STIM1: variants seen among roughly 807,000 people sequenced by gnomAD.
The protein encoded by STIM1 is stromal interaction molecule 1.
A neutral mutation model predicts 74.7 loss-of-function variants in STIM1; 25 were observed. That is an observed-to-expected ratio of 0.33 (90% CI 0.24 to 0.47). The LOEUF (loss-of-function observed/expected upper bound fraction) is 0.47. Ranked by LOEUF, STIM1 falls within the 20% of genes least tolerant of loss-of-function variation. The pLI is 1.00. For synonymous variants in STIM1, 328 were observed against 348.8 expected, an observed-to-expected ratio of 0.94 and a Z score of 0.66; for missense variants, 728 against 920.8, an observed-to-expected ratio of 0.79 and a Z score of 2.71.
chr11:4,035,766 T>G (rs1302882800), intron 3 of STIM1, among the ~76,000 whole-genome samples: 1 of 151,984 alleles, frequency 6.6e-6, no homozygotes, highest in Non-Finnish European at 1.5e-5. Context: ...TGGTCTATCT[T>G]GTTAAATATC....
intron 2 of STIM1, chr11:3,989,255 C>T: frequency 1.1e-6 from 1 of 871,830 alleles, no homozygotes; most frequent in South Asian, 1.3e-5. Context: ...TCTTTAGTTT[C>T]TTGGTTAGCC....
At chr11:4,044,156 T>C (rs2094172038) in intron 3 of STIM1, among the ~76,000 whole-genome samples, 1 of 152,206 alleles carries the variant, frequency 6.6e-6, no homozygotes, top group Non-Finnish European at 1.5e-5. Flanking sequence ...GTGTAGTCTT[T>C]GATCTGGCTA....
intron 2 of STIM1, among the ~76,000 whole-genome samples, chr11:3,993,917 A>T (rs1590629983): frequency 6.6e-6 from 1 of 152,106 alleles, no homozygotes; most frequent in East Asian, 1.9e-4. Context: ...AGGGAAAGGG[A>T]TCTGTTTTGT....
At chr11:3,882,130 G>A (rs1309625242) in intron 1 of STIM1, among the ~76,000 whole-genome samples, 9 of 108,856 alleles carry the variant, frequency 8.3e-5, no homozygotes, top group African/African-American at 2.6e-4. Flanking sequence ...ACAGAGTTTC[G>A]CTCTTGTTGC....
At chr11:4,074,235 A>G (rs755686454) in intron 6 of STIM1, among the ~76,000 whole-genome samples, 3 of 152,174 alleles carry the variant, frequency 2.0e-5, no homozygotes, top group Non-Finnish European at 2.9e-5. Flanking sequence ...TTAGTATGAG[A>G]TAGTTTCGAG....
intron 1 of STIM1, among the ~76,000 whole-genome samples, chr11:3,860,726 TGG>T (rs1328772423): frequency 6.6e-6 from 1 of 152,132 alleles, no homozygotes; most frequent in Admixed American, 6.5e-5. Flanking sequence ...GGTTTCATGG[TGG>T]GTTATTAGTA....
At chr11:3,901,922 G>T (rs925353322) in intron 1 of STIM1, among the ~76,000 whole-genome samples, 1 of 152,042 alleles carries the variant, frequency 6.6e-6, no homozygotes, top group Non-Finnish European at 1.5e-5. Flanking sequence ...CACGTGCCAC[G>T]ATGCCCAGCT....
rs1554963559 is a variant in STIM1, at chr11:3,992,081, G to GTT, written c.270+24405_270+24406dup. Among the ~76,000 whole-genome samples the GTT allele has an allele frequency of 6.8e-3, 626 of 91,682 alleles. 60 individuals carry two copies. The highest frequency in any genetic ancestry group is 0.027 in the African/African-American group (578 of 21,044). The allele number at this position is 91,682 out of a possible 152,430, so 60.1% of individuals were successfully genotyped here. On this transcript the variant is annotated intron_variant, in intron 2 of 12. Coordinates refer to ENST00000526596, the MANE Select transcript of STIM1 (RefSeq NM_001382567.1). ...TTTCTCTGCAGCCTTGCCAACATCT[G>GTT]TTTTTTTGTTTTTTTTTTTTTTTTT...
intron 6 of STIM1, among the ~76,000 whole-genome samples, chr11:4,071,163 G>A (rs1386362803): frequency 6.6e-6 from 1 of 152,134 alleles, no homozygotes; most frequent in Non-Finnish European, 1.5e-5. Flanking sequence ...AAGTTAGTAG[G>A]ATGCAGAAGG....
intron 2 of STIM1, among the ~76,000 whole-genome samples, chr11:4,020,586 T>C (rs1243684939): frequency 6.7e-6 from 1 of 148,692 alleles, no homozygotes; most frequent in Non-Finnish European, 1.5e-5. Context: ...TCTTTTGGAC[T>C]TTTTTTTTTC....
At chr11:4,086,332 G>T in intron 11 of STIM1, 145 bp from the exon 12 acceptor site, 3 of 886,742 alleles carry the variant, frequency 3.4e-6, no homozygotes, top group African/African-American at 1.7e-5. Flanking sequence ...CTGGTGGGAG[G>T]TTTCTGGGAG....
chr11:4,064,832 C>T (rs1484950200), intron 5 of STIM1, among the ~76,000 whole-genome samples: 1 of 152,178 alleles, frequency 6.6e-6, no homozygotes, highest in Admixed American at 6.5e-5. Flanking sequence ...AGAGTTGGCT[C>T]TGGGTTTACA....
chr11:3,876,591 T>C (rs1258615521), intron 1 of STIM1, among the ~76,000 whole-genome samples: 2 of 152,186 alleles, frequency 1.3e-5, no homozygotes, highest in Non-Finnish European at 2.9e-5. Flanking sequence ...TTATTTTTTG[T>C]AGAGGCAGGG....
At chr11:4,056,896 C>G (rs1006984306) in intron 4 of STIM1, among the ~76,000 whole-genome samples, 1 of 152,226 alleles carries the variant, frequency 6.6e-6, no homozygotes, top group African/African-American at 2.4e-5. Context: ...AGTGGCAGAG[C>G]TGGGATTTGA....
At chr11:4,009,734 C>A (rs2093817867) in intron 2 of STIM1, among the ~76,000 whole-genome samples, 1 of 152,168 alleles carries the variant, frequency 6.6e-6, no homozygotes. Flanking sequence ...TTAGCTCTCA[C>A]TCTCCTTTTC....
chr11:3,908,721 CT>C (rs1448344358), intron 1 of STIM1, among the ~76,000 whole-genome samples: 2 of 152,058 alleles, frequency 1.3e-5, no homozygotes, highest in Non-Finnish European at 2.9e-5. Flanking sequence ...AGAAAGATGG[CT>C]TATGGCTTAT....
chr11:4,021,153 G>GGTT (rs890205021), intron 2 of STIM1, among the ~76,000 whole-genome samples: 4 of 123,192 alleles, frequency 3.2e-5, no homozygotes, highest in Non-Finnish European at 7.7e-5. Context: ...TGGTGGTGGT[G>GGTT]GTTGTTGTTG....
At chr11:3,885,587 C>G (rs982350185) in intron 1 of STIM1, among the ~76,000 whole-genome samples, 9 of 152,180 alleles carry the variant, frequency 5.9e-5, no homozygotes, top group Admixed American at 3.3e-4. Flanking sequence ...GGTACTTCAG[C>G]TCACAAAGGT....
chr11:3,987,532 C>T (rs1209345983), intron 2 of STIM1, among the ~76,000 whole-genome samples: 4 of 152,132 alleles, frequency 2.6e-5, no homozygotes, highest in Non-Finnish European at 5.9e-5. Context: ...TAACACTTTC[C>T]TCTGCATAGA....
Sources: gnomAD v4.1 joint callset for allele counts (sites outside exome capture counted in the v4.1 genomes callset) on GRCh38, gnomAD v4.1.1 for gene constraint, MANE v1.5 for transcripts, NCBI Gene and HGNC (gene_info 2026-07-23, HGNC 2026-07-21) for gene names.